PCDHA9: variants seen among roughly 807,000 people sequenced by gnomAD.
PCDHA9 encodes protocadherin alpha 9, also known as protocadherin alpha-9.
PCDHA9 carries 62 observed loss-of-function variants against 62.0 expected under a neutral mutation model. That is an observed-to-expected ratio of 1.00 (90% CI 0.81 to 1.23). The LOEUF is 1.23. Ranked by LOEUF, PCDHA9 falls within the 50% of genes most tolerant of loss-of-function variation. PCDHA9 has a pLI of 0.00. For missense variants in PCDHA9, 1,205 were observed against 1,249.8 expected (o/e 0.96, Z 0.54); for synonymous variants, 557 against 567.6 (o/e 0.98, Z 0.27).
At chr5:140,927,725 C>CA in intron 1 of PCDHA9, 1 of 1,614,202 alleles carries the variant, frequency 6.2e-7, no homozygotes, top group Non-Finnish European at 8.5e-7. Context: ...AGCACGCAAG[C>CA]AGAGCTGCGA....
At chr5:140,897,782 T>G (rs1378743158) in intron 1 of PCDHA9, among the ~76,000 whole-genome samples, 6 of 152,182 alleles carry the variant, frequency 3.9e-5, no homozygotes, top group Admixed American at 3.9e-4. Flanking sequence ...CCACAATGGT[T>G]GAACTAGTTT....
At chr5:140,870,053 T>C (rs782629825) in intron 1 of PCDHA9, 4 of 1,613,810 alleles carry the variant, frequency 2.5e-6, no homozygotes, top group Middle Eastern at 1.6e-4. Context: ...TTTTATAAAA[T>C]TGAAGTACAG....
chr5:140,976,781 T>C (rs1238344428), intron 1 of PCDHA9, among the ~76,000 whole-genome samples: 26 of 152,206 alleles, frequency 1.7e-4, no homozygotes, highest in Admixed American at 1.6e-3. Flanking sequence ...TCTGACTATA[T>C]AGCTACGCTT....
At chr5:141,007,660 T>C (rs1392469115) in intron 3 of PCDHA9, among the ~76,000 whole-genome samples, 2 of 152,074 alleles carry the variant, frequency 1.3e-5, no homozygotes, top group Admixed American at 6.5e-5. Flanking sequence ...AAACCATAAA[T>C]TTACAAAGAC....
At chr5:140,872,054 C>T (rs970445290) in intron 1 of PCDHA9, among the ~76,000 whole-genome samples, 2 of 152,238 alleles carry the variant, frequency 1.3e-5, no homozygotes, top group East Asian at 3.8e-4. Flanking sequence ...CCCACTTCAG[C>T]CTCCAGAGTA....
chr5:140,859,066 G>A (rs949613185), intron 1 of PCDHA9: 1 of 150,848 alleles, frequency 6.6e-6, no homozygotes, highest in Non-Finnish European at 1.5e-5. Flanking sequence ...TATTTTAGTT[G>A]TAGTGGTACC....
intron 1 of PCDHA9, among the ~76,000 whole-genome samples, chr5:140,891,754 T>C (rs1221942340): frequency 6.6e-6 from 1 of 152,174 alleles, no homozygotes; most frequent in Non-Finnish European, 1.5e-5. Flanking sequence ...ACAACAGTGT[T>C]GGGAGGTGGG....
intron 1 of PCDHA9, chr5:140,859,420 C>A: frequency 4.3e-6 from 1 of 233,152 alleles, no homozygotes; most frequent in Non-Finnish European, 8.1e-6. Context: ...ATGATATAGA[C>A]TCAGAAATGA....
At position 140,855,852 on chromosome 5, in the gene PCDHA9, G is replaced by A. The variant is rs1233260488; in HGVS notation, c.2394+4963G>A. 21 of 674,672 alleles carry A rather than the reference G, an allele frequency of 3.1e-5. 2 individuals carry two copies. The highest frequency in any genetic ancestry group is 4.6e-5 in the Non-Finnish European group (19 of 409,080). 41.8% of individuals were successfully genotyped at this position (674,672 alleles called of 1,614,324 possible). On this transcript the variant is annotated intron_variant, in intron 1 of 3. Coordinates refer to ENST00000532602, the MANE Select transcript of PCDHA9 (RefSeq NM_031857.2). The stretch of plus-strand genomic sequence containing the variant: ...ATCGTACTTACACCTAAAGCCACCG[G>A]ATGTCGCTGTCGTCCACAAAATAGC...
intron 3 of PCDHA9, among the ~76,000 whole-genome samples, chr5:140,993,229 C>T (rs1396962894): frequency 6.6e-6 from 1 of 152,092 alleles, no homozygotes; most frequent in Non-Finnish European, 1.5e-5. Flanking sequence ...GGTATGTTCT[C>T]TCTGAATCTG....
intron 1 of PCDHA9, chr5:140,968,895 T>G: frequency 6.2e-7 from 1 of 1,614,218 alleles, no homozygotes; most frequent in Non-Finnish European, 8.5e-7. Context: ...TATCTAATAA[T>G]AGCATTAAGC....
intron 1 of PCDHA9, among the ~76,000 whole-genome samples, chr5:140,951,349 T>C (rs1403359324): frequency 1.3e-5 from 2 of 152,144 alleles, no homozygotes; most frequent in Non-Finnish European, 2.9e-5. Flanking sequence ...GTTAGTCCAT[T>C]ATTGCACTGT....
intron 1 of PCDHA9, among the ~76,000 whole-genome samples, chr5:140,925,287 A>G (rs905857397): frequency 4.7e-4 from 72 of 152,294 alleles, no homozygotes; most frequent in African/African-American, 1.7e-3. Context: ...TGCCTTTCAA[A>G]TGTTTCATTA....
chr5:141,011,122 A>G lies in PCDHA9; in HGVS notation c.*1185A>G, dbSNP rs1554263297. On this transcript the variant is annotated 3_prime_UTR_variant, in exon 4 of 4. Transcript: ENST00000532602. ...TCTCTCTCTTTTCTAAGAAACAATT[A>G]TGTGCACTTTGATACACAACCTTCT... 1 of 153,686 alleles carries G rather than the reference A, an allele frequency of 6.5e-6. No homozygotes were observed. Among genetic ancestry groups the G allele is most frequent in the Non-Finnish European group, 1.5e-5 (1 of 68,034 alleles). 9.5% of individuals were successfully genotyped at this position (153,686 alleles called of 1,614,324 possible).
intron 1 of PCDHA9, among the ~76,000 whole-genome samples, chr5:140,974,111 T>C (rs1475006775): frequency 2.0e-5 from 3 of 152,280 alleles, no homozygotes; most frequent in Non-Finnish European, 4.4e-5. Flanking sequence ...AAGTATTCTT[T>C]TGCAGTGTTT....
chr5:140,875,159 C>T (rs60784460), intron 1 of PCDHA9: 4,491 of 336,216 alleles, frequency 0.013, 178 homozygotes, highest in African/African-American at 0.087. Flanking sequence ...TGAAAAATAA[C>T]CCAAAGTCGA....
At chr5:140,968,704 G>A (rs782208487) in intron 1 of PCDHA9, 6 of 1,614,002 alleles carry the variant, frequency 3.7e-6, no homozygotes, top group Admixed American at 1.7e-5. Context: ...GGACTACCAG[G>A]AAGATGGGAG....
chr5:140,876,017 T>C lies in PCDHA9; in HGVS notation c.2394+25128T>C, dbSNP rs371785405. The C allele has an allele frequency of 8.7e-6, 14 of 1,613,124 alleles. No homozygotes were observed. Among genetic ancestry groups the C allele is most frequent in the Admixed American group, 3.3e-5 (2 of 59,812 alleles). ...CTAAATGAGAATTTTGAGCTTAAAA[T>C]AAAAACAAAAAAAGATAAAAGTATA... On this transcript the variant is annotated intron_variant, in intron 1 of 3. Transcript: ENST00000532602.
At chr5:140,868,894 G>T in intron 1 of PCDHA9, 6 of 771,428 alleles carry the variant, frequency 7.8e-6, no homozygotes, top group Non-Finnish European at 1.2e-5. Flanking sequence ...TTAGGCGCAA[G>T]GTGTCGCTCT....
Sources: allele counts gnomAD v4.1 joint callset (sites outside exome capture counted in the v4.1 genomes callset), GRCh38; gene constraint gnomAD v4.1.1; transcripts MANE v1.5; gene names NCBI Gene and HGNC (gene_info 2026-07-23, HGNC 2026-07-21).